FAM20C: variants seen among roughly 807,000 people sequenced by gnomAD.
The protein encoded by FAM20C is extracellular serine/threonine protein kinase FAM20C.
In FAM20C, 40 loss-of-function variants were observed where a neutral mutation model predicts 51.5. The observed-to-expected ratio is 0.78, with a 90% CI of 0.60 to 1.01. The LOEUF (loss-of-function observed/expected upper bound fraction) is 1.01. Ranked by LOEUF, FAM20C falls within the 50% of genes least tolerant of loss-of-function variation. FAM20C has a pLI of 0.00. For synonymous variants in FAM20C, 406 were observed against 380.6 expected (o/e 1.07, Z -0.78); for missense variants, 861 against 844.7 (o/e 1.02, Z -0.24).
intron 5 of FAM20C, among the ~76,000 whole-genome samples, chr7:250,239 A>G (rs1788343526): frequency 6.6e-6 from 1 of 152,184 alleles, no homozygotes; most frequent in Admixed American, 6.5e-5. Flanking sequence ...TGAATTTGTC[A>G]GAACCCGGCC....
rs1422629171 is a variant in FAM20C, at chr7:192,818, G to GC, written c.-379dup. On this transcript the variant is annotated 5_prime_UTR_variant, in exon 1 of 10. Coordinates refer to ENST00000313766, the MANE Select transcript of FAM20C (RefSeq NM_020223.4). ...GCCTGCGGCCGCCGCCACCGCCCAG[G>GC]CCCGTCGCGCCCCGGCCGGGATGGA... 1.4e-5 allele frequency among the ~76,000 whole-genome samples: 2 copies of GC among 147,922 alleles called. No individual in the cohort carries two copies. Among genetic ancestry groups the GC allele is most frequent in the Non-Finnish European group, 3.0e-5 (2 of 66,318 alleles).
intron 5 of FAM20C, among the ~76,000 whole-genome samples, chr7:252,098 T>G (rs1290728639): frequency 6.6e-6 from 1 of 152,260 alleles, no homozygotes; most frequent in Admixed American, 6.5e-5. Context: ...ATTCGTTTGC[T>G]CCACTTTGCT....
chr7:252,791 C>T (rs763073941), intron 5 of FAM20C, among the ~76,000 whole-genome samples: 3 of 152,246 alleles, frequency 2.0e-5, no homozygotes, highest in Non-Finnish European at 2.9e-5. Flanking sequence ...ACCCCAGCAC[C>T]GCACAGCTGT....
intron 1 of FAM20C, chr7:195,221 G>C (rs1785795409): frequency 3.9e-6 from 1 of 254,962 alleles, no homozygotes; most frequent in East Asian, 7.1e-5. Flanking sequence ...GTCATGGTTG[G>C]GCCATTTCGG....
intron 3 of FAM20C, among the ~76,000 whole-genome samples, chr7:223,743 G>C (rs1369221803): frequency 2.0e-5 from 3 of 152,244 alleles, no homozygotes; most frequent in African/African-American, 7.2e-5. Context: ...GCCGGCCCCA[G>C]GTAGAGGACG....
chr7:260,111 A>G lies in FAM20C; in HGVS notation c.*131A>G, dbSNP rs1382478454. Reference sequence around the variant, plus strand: ...TCATCCGGAGTCGGGAGCTGCTGCCACAGGAGGCGAGGCTCCCCAGGTCTC... The same window carrying G: ...TCATCCGGAGTCGGGAGCTGCTGCCGCAGGAGGCGAGGCTCCCCAGGTCTC... On this transcript the variant is annotated 3_prime_UTR_variant, in exon 10 of 10. Coordinates refer to ENST00000313766, the MANE Select transcript of FAM20C (RefSeq NM_020223.4). The G allele has an allele frequency of 2.4e-6, 3 of 1,270,398 alleles. No homozygotes were observed. The highest frequency in any genetic ancestry group is 3.1e-6 in the Non-Finnish European group (3 of 965,990). The allele number at this position is 1,270,398 out of a possible 1,614,324, so 78.7% of individuals were successfully genotyped here.
chr7:193,433 C>T lies in FAM20C; in HGVS notation c.234C>T (p.Gly78=), dbSNP rs1263950129. 7.0e-7 allele frequency: 1 copy of T among 1,422,070 alleles called. No homozygotes were observed. The highest frequency in any genetic ancestry group is 1.4e-5 in the South Asian group (1 of 69,380). 88.1% of individuals were successfully genotyped at this position (1,422,070 alleles called of 1,614,324 possible). ...CCCCGGCCGCCTCCTCCGCCGCCGG[C>T]GACGCGGGCTGGCCCAACAAGCACA... is the stretch of plus-strand genomic sequence containing the variant. ...GEPPAASSAA[G]DAGWPNKHTL... is the part of the protein sequence containing the mutation. Residue 78 remains glycine (G), a synonymous_variant, in exon 1 of 10, where the codon GGC becomes GGT. Coordinates refer to ENST00000313766, the MANE Select transcript of FAM20C (RefSeq NM_020223.4).
chr7:199,135 G>C (rs1324015672), intron 2 of FAM20C, among the ~76,000 whole-genome samples: 1 of 152,240 alleles, frequency 6.6e-6, no homozygotes, highest in East Asian at 1.9e-4. Flanking sequence ...TGACCTGCTT[G>C]CTGACCCCGC....
intron 3 of FAM20C, among the ~76,000 whole-genome samples, chr7:226,717 A>C (rs1440312317): frequency 6.6e-6 from 1 of 152,178 alleles, no homozygotes; most frequent in African/African-American, 2.4e-5. Context: ...AGACACCCTG[A>C]TGATTTACTG....
Position 246,466 on chromosome 7 carries a change from C to T in FAM20C, c.915C>T (p.Tyr305=), listed in dbSNP as rs150808056. ...CTGACTTTTTTTATTTCTCTGACTA[C>T]GAGAGGCACAATGCGGAGATTGCTG... The part of the protein sequence containing the change: ...TPPDFFYFSD[Y]ERHNAEIAAF... Residue 305 remains tyrosine (Y), a synonymous_variant, in exon 4 of 10, where the codon TAC becomes TAT. Coordinates refer to ENST00000313766, the MANE Select transcript of FAM20C (RefSeq NM_020223.4). The T allele has an allele frequency of 4.7e-5, 72 of 1,536,936 alleles. No homozygotes were observed. The highest frequency in any genetic ancestry group is 5.5e-5 in the Non-Finnish European group (63 of 1,146,806).
chr7:254,645 G>A (rs1454156151), intron 5 of FAM20C, among the ~76,000 whole-genome samples: 1 of 152,194 alleles, frequency 6.6e-6, no homozygotes, highest in East Asian at 1.9e-4. Flanking sequence ...AAAGCGTACA[G>A]TTCCGTGGTT....
At chr7:195,212 T>A in intron 1 of FAM20C, 1 of 241,842 alleles carries the variant, frequency 4.1e-6, no homozygotes, top group East Asian at 7.9e-5. Flanking sequence ...TCAGCTGAGG[T>A]CATGGTTGGG....
At chr7:217,385 A>C (rs1787032746) in intron 3 of FAM20C, among the ~76,000 whole-genome samples, 4 of 5,436 alleles carry the variant, frequency 7.4e-4, no homozygotes, top group East Asian at 0.012. Context: ...GCTGTGGGTG[A>C]GCTCCAGCCC....
intron 3 of FAM20C, chr7:228,751 T>G: frequency 2.2e-6 from 1 of 454,886 alleles, no homozygotes; most frequent in Non-Finnish European, 4.4e-6. Flanking sequence ...CCACCAAGAG[T>G]GACCTGACTG....
intron 5 of FAM20C, among the ~76,000 whole-genome samples, chr7:250,192 C>T (rs1005653788): frequency 6.6e-5 from 10 of 152,288 alleles, no homozygotes; most frequent in East Asian, 1.9e-4. Context: ...TGTTTCAGAT[C>T]GATGTACGGA....
chr7:224,381 T>C (rs368507813), intron 3 of FAM20C, among the ~76,000 whole-genome samples: 257 of 11,672 alleles, frequency 0.022, 5 homozygotes, highest in Middle Eastern at 0.062. Context: ...CGGGGTCACA[T>C]GGCGGCTGTC....
chr7:230,944 C>T (rs372935310), intron 3 of FAM20C, among the ~76,000 whole-genome samples: 14 of 152,270 alleles, frequency 9.2e-5, no homozygotes, highest in Admixed American at 3.3e-4. Flanking sequence ...TGCTGGACCC[C>T]GGTGGGTCCT....
At chr7:200,699 C>T (rs1025055688) in intron 2 of FAM20C, among the ~76,000 whole-genome samples, 1 of 152,228 alleles carries the variant, frequency 6.6e-6, no homozygotes, top group Non-Finnish European at 1.5e-5. Context: ...GAATAAATAA[C>T]AGTCTGGGGT....
intron 8 of FAM20C, among the ~76,000 whole-genome samples, chr7:257,671 C>T (rs1376228988): frequency 6.6e-6 from 1 of 152,208 alleles, no homozygotes; most frequent in Non-Finnish European, 1.5e-5. Flanking sequence ...ACTCGGCTGC[C>T]CAGGACCCTT....
Sources: allele counts gnomAD v4.1 joint callset (sites outside exome capture counted in the v4.1 genomes callset), GRCh38; gene constraint gnomAD v4.1.1; transcripts MANE v1.5; gene names NCBI Gene and HGNC (gene_info 2026-07-23, HGNC 2026-07-21).